The following STEAP4 variants were observed in gnomAD, a reference collection of about 807,000 sequenced individuals.
STEAP4 encodes STEAP4 metalloreductase.
In STEAP4, 36 loss-of-function variants were observed where a neutral mutation model predicts 43.6. The observed-to-expected ratio is 0.83, with a 90% CI of 0.63 to 1.09. STEAP4 has a LOEUF of 1.09. Ranked by LOEUF, STEAP4 falls within the 50% of genes least tolerant of loss-of-function variation. STEAP4 has a pLI of 0.00. For missense variants in STEAP4, 495 were observed against 546.5 expected (o/e 0.91, Z 0.94); for synonymous variants, 191 against 196.7 (o/e 0.97, Z 0.24).
chr7:88,287,126 C>T (rs1041223280), intron 1 of STEAP4, among the ~76,000 whole-genome samples: 1 of 152,180 alleles, frequency 6.6e-6, no homozygotes, highest in East Asian at 1.9e-4. Flanking sequence ...CCAAATCAGA[C>T]ACCTTGCATT....
In STEAP4 at chr7:88,284,153, G is replaced by T. The variant is rs756488398; in HGVS notation, c.117C>A (p.Leu39=). The part of the protein sequence containing the change: ...DFGRSLGLKM[L]QCGYSVVFGS... ...CAAAAACAACAGAATAACCACACTGGAGCATTTTCAATCCCAGTGATCTTC... is the reference window on the plus strand; with the variant it reads ...CAAAAACAACAGAATAACCACACTGTAGCATTTTCAATCCCAGTGATCTTC... The change falls in exon 2 of 5, where the codon CTC becomes CTA. Residue 39 remains leucine (L), a synonymous_variant. Coordinates refer to ENST00000380079, the MANE Select transcript of STEAP4 (RefSeq NM_024636.4). The T allele has an allele frequency of 1.2e-6, 2 of 1,614,090 alleles. No individual in the cohort carries two copies. The highest frequency in any genetic ancestry group is 1.7e-6 in the Non-Finnish European group (2 of 1,180,020).
At chr7:88,303,223 C>T (rs1291096297) in intron 1 of STEAP4, among the ~76,000 whole-genome samples, 1 of 147,990 alleles carries the variant, frequency 6.8e-6, no homozygotes, top group African/African-American at 2.5e-5. Context: ...CAACCGGGCG[C>T]GGTGGCTCAC....
chr7:88,295,476 G>T (rs1852909473), intron 1 of STEAP4, among the ~76,000 whole-genome samples: 1 of 152,148 alleles, frequency 6.6e-6, no homozygotes, highest in Admixed American at 6.6e-5. Flanking sequence ...CTGGTCTAGG[G>T]TAGAGCCTGG....
intron 1 of STEAP4, among the ~76,000 whole-genome samples, chr7:88,301,855 C>T (rs923772765): frequency 2.0e-5 from 3 of 152,162 alleles, no homozygotes; most frequent in Admixed American, 6.5e-5. Context: ...GGATTACAGG[C>T]GTGAGCCGCC....
At position 88,279,277 on chromosome 7, in the gene STEAP4, G is replaced by T; in HGVS notation, c.*121C>A. The T allele has an allele frequency of 2.4e-6, 2 of 833,556 alleles. No homozygotes were observed. The highest frequency in any genetic ancestry group is 3.7e-6 in the Non-Finnish European group (2 of 535,616). The allele number at this position is 833,556 out of a possible 1,614,324, so 51.6% of individuals were successfully genotyped here. On this transcript the variant is annotated 3_prime_UTR_variant, in exon 5 of 5. Coordinates refer to ENST00000380079, the MANE Select transcript of STEAP4 (RefSeq NM_024636.4). ...AAGCAATGTTTCCCTCAGTCACGGTGTAAGAAAAAAACTTTCCTAACTGTA... is the reference window on the plus strand; with the variant it reads ...AAGCAATGTTTCCCTCAGTCACGGTTTAAGAAAAAAACTTTCCTAACTGTA...
chr7:88,283,836 C>T lies in STEAP4; in HGVS notation c.434G>A (p.Gly145Glu). ...TACCTGCCGACTTGCATCCAGTGCT[C>T]CTGACTGGAGAGCCCAGGCTGAGAT... ...NTISAWALQS[G>E]ALDASRQVFV... The change falls in exon 2 of 5, where the codon GGA becomes GAA. Residue 145 changes from glycine to glutamate, a missense_variant. Physicochemically the swap from Gly to Glu is moderately conservative, Grantham distance 98. Transcript: ENST00000380079. The T allele has an allele frequency of 6.2e-7, 1 of 1,613,508 alleles. No homozygotes were observed. The highest frequency in any genetic ancestry group is 8.5e-7 in the Non-Finnish European group (1 of 1,179,552).
chr7:88,282,584 A>T, intron 3 of STEAP4, 57 bp downstream of exon 3: 2 of 1,442,630 alleles, frequency 1.4e-6, no homozygotes, highest in South Asian at 2.5e-5. Context: ...ATGGAATATG[A>T]TGTAGCAATA....
At chr7:88,305,014 G>T (rs1175640492) in intron 1 of STEAP4, among the ~76,000 whole-genome samples, 6 of 152,090 alleles carry the variant, frequency 3.9e-5, no homozygotes, top group African/African-American at 1.4e-4. Flanking sequence ...AAGGCCTGGG[G>T]TTTTTAATTT....
chr7:88,291,646 T>C (rs938165125), intron 1 of STEAP4, among the ~76,000 whole-genome samples: 2 of 152,176 alleles, frequency 1.3e-5, no homozygotes, highest in African/African-American at 2.4e-5. Flanking sequence ...TGTGTAAATA[T>C]ACGTTCATGG....
chr7:88,284,247 G>T lies in STEAP4; in HGVS notation c.23C>A (p.Ala8Glu). 6.3e-7 allele frequency: 1 copy of T among 1,597,572 alleles called. No homozygotes were observed. MEKTCIDALPLTMNSSEK... is the reference protein window; with the variant it reads MEKTCIDELPLTMNSSEK... The stretch of plus-strand genomic sequence containing the variant: ...TGAAGAATTCATAGTAAGAGGAAGT[G>T]CATCTATACAAGTTTTCTCCATAAC... Residue 8 changes from alanine (A) to glutamate (E), a missense_variant, in exon 2 of 5, where the codon GCA (alanine) becomes GAA (glutamate). Coordinates refer to ENST00000380079, the MANE Select transcript of STEAP4 (RefSeq NM_024636.4).
At chr7:88,289,272 T>C (rs1477629523) in intron 1 of STEAP4, among the ~76,000 whole-genome samples, 1 of 152,016 alleles carries the variant, frequency 6.6e-6, no homozygotes, top group Non-Finnish European at 1.5e-5. Flanking sequence ...AAAAGGAAGA[T>C]GCTGAATGAT....
Position 88,281,076 on chromosome 7 carries a change from T to C in STEAP4, c.988A>G (p.Ile330Val), listed in dbSNP as rs1186136724. 3.2e-6 allele frequency: 5 copies of C among 1,569,732 alleles called. No homozygotes were observed. Among genetic ancestry groups the C allele is most frequent in the Non-Finnish European group, 4.3e-6 (5 of 1,163,304 alleles). The change falls in exon 4 of 5, where the codon ATA becomes GTA. Residue 330 changes from isoleucine to valine, a missense_variant. By Grantham distance (29) the Ile-to-Val change is conservative. Coordinates refer to ENST00000380079, the MANE Select transcript of STEAP4 (RefSeq NM_024636.4). Reference sequence around the variant, plus strand: ...CTAAATGGATTCTCCTTCTTGAGTATTGCCTAAGAAAAATTATAAGCAATT... The same window carrying C: ...CTAAATGGATTCTCCTTCTTGAGTACTGCCTAAGAAAAATTATAAGCAATT... ...RLGNLTVTQA[I>V]LKKENPFSTS...
intron 1 of STEAP4, among the ~76,000 whole-genome samples, chr7:88,298,857 T>A (rs1428344136): frequency 6.6e-6 from 1 of 152,160 alleles, no homozygotes; most frequent in Non-Finnish European, 1.5e-5. Context: ...ATGTTTTGTA[T>A]CCCATAGCAA....
intron 1 of STEAP4, chr7:88,290,834 C>A (rs1443398977): frequency 6.6e-6 from 1 of 151,916 alleles, no homozygotes; most frequent in Non-Finnish European, 1.5e-5. Flanking sequence ...AGGCGCCCTG[C>A]TGCACTCTTC....
At chr7:88,281,995 T>C (rs966981684) in intron 3 of STEAP4, 1 of 152,184 alleles carries the variant, frequency 6.6e-6, no homozygotes, top group Non-Finnish European at 1.5e-5. Flanking sequence ...GAAAACACAC[T>C]AGTTAACATT....
rs1852648911 is a variant in STEAP4 at position 88,282,897 on chromosome 7, G to T, written c.728C>A (p.Pro243Gln). ...TGCTGTTATTGGAAAGATACGATTTGGAATGGAAATAGCCATACGAAATGT... is the reference window on the plus strand; with the variant it reads ...TGCTGTTATTGGAAAGATACGATTTTGAATGGAAATAGCCATACGAAATGT... ...DNTFRMAISI[P>Q]NRIFPITALT... The change falls in exon 3 of 5, where the codon CCA becomes CAA. Residue 243 changes from proline (P) to glutamine (Q), a missense_variant. By Grantham distance (76) the Pro-to-Gln change is moderately conservative. Transcript: ENST00000380079. The T allele has an allele frequency of 2.5e-6, 4 of 1,614,000 alleles. No individual in the cohort carries two copies. The highest frequency in any genetic ancestry group is 3.4e-6 in the Non-Finnish European group (4 of 1,180,040).
intron 3 of STEAP4, 80 bp downstream of exon 3, chr7:88,282,561 C>T (rs762931074): frequency 1.5e-6 from 2 of 1,317,726 alleles, no homozygotes; most frequent in Admixed American, 2.3e-5. Context: ...GAGTGACTTT[C>T]TATAATTATG....
chr7:88,301,863 G>A (rs770279859), intron 1 of STEAP4, among the ~76,000 whole-genome samples: 4 of 151,922 alleles, frequency 2.6e-5, no homozygotes, highest in African/African-American at 4.8e-5. Flanking sequence ...GGCGTGAGCC[G>A]CCGTGTTTGG....
chr7:88,304,640 TTGTGTGTGTGTG>T (rs148793788), intron 1 of STEAP4, among the ~76,000 whole-genome samples: 1 of 147,786 alleles, frequency 6.8e-6, no homozygotes, highest in East Asian at 2.0e-4. Context: ...GTTGCTGCTG[TTGTGTGTGTGTG>T]TGTGTGTGTG....
Sources: gnomAD v4.1 joint callset for allele counts (sites outside exome capture counted in the v4.1 genomes callset) on GRCh38, gnomAD v4.1.1 for gene constraint, MANE v1.5 for transcripts, NCBI Gene and HGNC (gene_info 2026-07-23, HGNC 2026-07-21) for gene names.